Variants in TYW1B observed in about 807,000 individuals in gnomAD.
TYW1B encodes the protein S-adenosyl-L-methionine-dependent tRNA 4-demethylwyosine synthase TYW1B.
A neutral mutation model predicts 86.9 loss-of-function variants in TYW1B; 73 were observed. The observed-to-expected ratio is 0.84, with a 90% CI of 0.70 to 1.02. The LOEUF is 1.02. Among genes scored for constraint, TYW1B ranks in the 50% least tolerant of loss-of-function variants. TYW1B has a pLI of 0.00. For synonymous variants in TYW1B, 248 were observed against 292.8 expected (o/e 0.85, Z 1.56); for missense variants, 637 against 827.4 (o/e 0.77, Z 2.82).
At position 72,586,134 on chromosome 7, in the gene TYW1B, G is replaced by A. The variant is rs117385479; in HGVS notation, c.1786-10415C>T. Among the ~76,000 whole-genome samples the A allele has an allele frequency of 2.0e-3, 299 of 152,288 alleles. 1 individual carries two copies. The highest frequency in any genetic ancestry group is 2.7e-3 in the Non-Finnish European group (185 of 68,030). ...AGGAGGACACACATTAACGCTAACC[G>A]AGGGAACAGGCATGTGGGACCGAGT... On this transcript the variant is annotated intron_variant, in intron 13 of 13. Coordinates refer to ENST00000620995, the MANE Select transcript of TYW1B (RefSeq NM_001145440.3).
intron 6 of TYW1B, among the ~76,000 whole-genome samples, chr7:72,779,442 C>A (rs68035630): frequency 9.3e-6 from 1 of 107,988 alleles, no homozygotes; most frequent in Non-Finnish European, 2.1e-5. Flanking sequence ...CGTGGCCGGG[C>A]ACGTTGGCTC....
chr7:72,675,760 C>T (rs1813721947), intron 11 of TYW1B, among the ~76,000 whole-genome samples: 1 of 151,828 alleles, frequency 6.6e-6, no homozygotes, highest in Admixed American at 6.6e-5. Flanking sequence ...AAACAATTTT[C>T]TTCTCATGTG....
intron 11 of TYW1B, among the ~76,000 whole-genome samples, chr7:72,647,247 G>A (rs781902098): frequency 3.3e-5 from 5 of 152,246 alleles, no homozygotes; most frequent in East Asian, 1.9e-4. Flanking sequence ...GTTCGTTGAC[G>A]GTGGGAGTGT....
chr7:72,706,256 C>CT (rs1257568617), intron 10 of TYW1B, among the ~76,000 whole-genome samples: 2 of 151,778 alleles, frequency 1.3e-5, no homozygotes, highest in African/African-American at 2.4e-5. Flanking sequence ...TGGAGAAACC[C>CT]GTCTCTACTA....
intron 11 of TYW1B, among the ~76,000 whole-genome samples, chr7:72,694,189 C>T (rs552515496): frequency 1.3e-5 from 2 of 152,266 alleles, no homozygotes; most frequent in South Asian, 4.1e-4. Context: ...TCTTGAACTC[C>T]TGACCTCAAG....
intron 12 of TYW1B, among the ~76,000 whole-genome samples, chr7:72,626,296 C>T (rs1554438812): frequency 1.3e-5 from 2 of 148,622 alleles, no homozygotes; most frequent in South Asian, 2.1e-4. Flanking sequence ...ATGACACAGA[C>T]AGGGTTCAGT....
chr7:72,659,241 T>C (rs1427337821), intron 11 of TYW1B, among the ~76,000 whole-genome samples: 1 of 152,056 alleles, frequency 6.6e-6, no homozygotes, highest in Non-Finnish European at 1.5e-5. Context: ...ACAGAGACAA[T>C]AAGCTCAGTT....
At chr7:72,674,351 C>T (rs781981146) in intron 11 of TYW1B, among the ~76,000 whole-genome samples, 11 of 152,060 alleles carry the variant, frequency 7.2e-5, no homozygotes, top group East Asian at 3.8e-4. Flanking sequence ...AGGTTGTTTT[C>T]GGCAGTGGCT....
In TYW1B at chr7:72,625,357, G is replaced by A. The variant is rs1164378514; in HGVS notation, c.1617+3530C>T. 4.6e-5 allele frequency among the ~76,000 whole-genome samples: 7 copies of A among 152,280 alleles called. No homozygotes were observed. The East Asian group carries it at 1.4e-3, about 29-fold the overall frequency. ...AGCTAGGCCAGGTGCAGTGGCTCACGTCTGTAATCCCAGCACTTTGGGAGG... is the reference window on the plus strand; with the variant it reads ...AGCTAGGCCAGGTGCAGTGGCTCACATCTGTAATCCCAGCACTTTGGGAGG... On this transcript the variant is annotated intron_variant, in intron 12 of 13. Transcript: ENST00000620995.
intron 8 of TYW1B, among the ~76,000 whole-genome samples, chr7:72,733,159 AACACACACACACACACACACACAC>A (rs145935571): frequency 5.4e-5 from 8 of 147,110 alleles, no homozygotes; most frequent in Non-Finnish European, 9.0e-5. Flanking sequence ...CCAAACCTAA[AACACACACACACACACACACACAC>A]ACACACACAC....
chr7:72,767,114 GAA>G (rs1381765444), intron 7 of TYW1B, among the ~76,000 whole-genome samples: 1 of 151,766 alleles, frequency 6.6e-6, no homozygotes, highest in Non-Finnish European at 1.5e-5. Flanking sequence ...TCTACAAAAT[GAA>G]AAAGACTCTA....
chr7:72,739,254 T>A (rs1787256774), intron 8 of TYW1B, among the ~76,000 whole-genome samples: 1 of 152,144 alleles, frequency 6.6e-6, no homozygotes, highest in Non-Finnish European at 1.5e-5. Context: ...CGAGGTTTAA[T>A]ATACTATTCT....
chr7:72,609,070 G>C (rs1231078626), intron 13 of TYW1B, among the ~76,000 whole-genome samples: 1 of 152,138 alleles, frequency 6.6e-6, no homozygotes, highest in African/African-American at 2.4e-5. Context: ...TTATCACTGG[G>C]GGAAACTACA....
At chr7:72,822,639 C>A (rs1788850837) in intron 2 of TYW1B, among the ~76,000 whole-genome samples, 1 of 152,200 alleles carries the variant, frequency 6.6e-6, no homozygotes, top group African/African-American at 2.4e-5. Flanking sequence ...TCAAATCCAA[C>A]AGCAGAATGA....
intron 13 of TYW1B, among the ~76,000 whole-genome samples, chr7:72,613,146 C>G (rs1178742429): frequency 5.9e-5 from 9 of 152,172 alleles, no homozygotes; most frequent in Admixed American, 5.9e-4. Context: ...GGAAATGTTC[C>G]AAATTGAAGG....
intron 9 of TYW1B, among the ~76,000 whole-genome samples, chr7:72,715,386 C>T (rs1237186116): frequency 1.3e-5 from 2 of 152,202 alleles, no homozygotes; most frequent in Non-Finnish European, 2.9e-5. Context: ...AAAGGGCTCT[C>T]CGTGTGATTC....
intron 13 of TYW1B, among the ~76,000 whole-genome samples, chr7:72,606,326 C>T (rs372177349): frequency 3.6e-4 from 55 of 152,266 alleles, no homozygotes; most frequent in African/African-American, 7.9e-4. Flanking sequence ...CATTCCCATC[C>T]GGTCAGCAAA....
chr7:72,695,907 C>T lies in TYW1B; in HGVS notation c.1371-1085G>A, dbSNP rs1255928796. On this transcript the variant is annotated intron_variant, in intron 10 of 13. Transcript: ENST00000620995. ...CACTGCACCCGACCCTACTAGATTT[C>T]TTGCAAGTTATACATTAAACCTAGA... Among the ~76,000 whole-genome samples, 192 of 151,198 alleles carry T rather than the reference C, an allele frequency of 1.3e-3. 1 individual carries two copies. The highest frequency in any genetic ancestry group is 1.3e-3 in the Non-Finnish European group (90 of 67,880).
intron 5 of TYW1B, among the ~76,000 whole-genome samples, chr7:72,802,993 T>C (rs1554476078): frequency 6.6e-6 from 1 of 152,168 alleles, no homozygotes; most frequent in Non-Finnish European, 1.5e-5. Context: ...CCCAGCACTT[T>C]GTGAAGCCAA....
Sources: gnomAD v4.1 joint callset for allele counts (sites outside exome capture counted in the v4.1 genomes callset) on GRCh38, gnomAD v4.1.1 for gene constraint, MANE v1.5 for transcripts, NCBI Gene and HGNC (gene_info 2026-07-23, HGNC 2026-07-21) for gene names.